The following RORA variants were observed in gnomAD, a reference collection of about 807,000 sequenced individuals.
RORA encodes the protein nuclear receptor ROR-alpha.
In RORA, 7 loss-of-function variants were observed where a neutral mutation model predicts 69.5. That is an observed-to-expected ratio of 0.10 (90% confidence interval 0.06 to 0.19). The LOEUF (loss-of-function observed/expected upper bound fraction) is 0.19. Among genes scored for constraint, RORA ranks in the 10% least tolerant of loss-of-function variants. The pLI is 1.00. For synonymous variants in RORA, 261 were observed against 240.8 expected, an observed-to-expected ratio of 1.08 and a Z score of -0.78; for missense variants, 457 against 663.0, an observed-to-expected ratio of 0.69 and a Z score of 3.41.
chr15:60,514,372 C>G (rs962102980), intron 4 of RORA, among the ~76,000 whole-genome samples: 5 of 152,128 alleles, frequency 3.3e-5, no homozygotes, highest in African/African-American at 1.2e-4. Context: ...GTTCTGAGCA[C>G]AAGACACTTC....
At chr15:61,011,348 T>C (rs1039208747) in intron 1 of RORA, among the ~76,000 whole-genome samples, 11 of 152,192 alleles carry the variant, frequency 7.2e-5, no homozygotes, top group Admixed American at 2.0e-4. Flanking sequence ...CTTAGAAGGA[T>C]AGAAATGTGG....
intron 1 of RORA, among the ~76,000 whole-genome samples, chr15:60,702,148 T>A (rs907858556): frequency 6.6e-6 from 1 of 152,176 alleles, no homozygotes; most frequent in Non-Finnish European, 1.5e-5. Context: ...TCACTTACCC[T>A]CTCAAAGCCT....
intron 1 of RORA, among the ~76,000 whole-genome samples, chr15:61,066,452 G>GTTTTTT (rs2078260986): frequency 8.6e-6 from 1 of 116,324 alleles, no homozygotes; most frequent in African/African-American, 3.2e-5. Context: ...TTGAGATGGA[G>GTTTTTT]TTTCACTCTT....
At chr15:61,217,392 T>C (rs1181933136) in intron 1 of RORA, among the ~76,000 whole-genome samples, 1 of 151,954 alleles carries the variant, frequency 6.6e-6, no homozygotes, top group Non-Finnish European at 1.5e-5. Context: ...AGGGAGAAGG[T>C]GGATCTTATC....
chr15:60,949,881 T>C (rs8035365), intron 1 of RORA, among the ~76,000 whole-genome samples: 39,871 of 152,142 alleles, frequency 0.26, 5,676 homozygotes, highest in Middle Eastern at 0.35. Context: ...TCTAAGACTA[T>C]TGAAACTTTC....
At chr15:60,693,356 A>G (rs2070856937) in intron 1 of RORA, among the ~76,000 whole-genome samples, 1 of 152,252 alleles carries the variant, frequency 6.6e-6, no homozygotes, top group East Asian at 1.9e-4. Context: ...CTGAATGGGC[A>G]AAAGCTGGAA....
chr15:60,862,273 G>A (rs2073441772), intron 1 of RORA, among the ~76,000 whole-genome samples: 1 of 152,234 alleles, frequency 6.6e-6, no homozygotes, highest in African/African-American at 2.4e-5. Flanking sequence ...TGCCTGCAAA[G>A]GTCAGGACAA....
At chr15:60,908,473 T>A (rs1196703775) in intron 1 of RORA, among the ~76,000 whole-genome samples, 1 of 152,120 alleles carries the variant, frequency 6.6e-6, no homozygotes, top group East Asian at 1.9e-4. Context: ...TAATACCAAA[T>A]TTTCAAATCT....
chr15:61,019,144 C>A (rs1211644356), intron 1 of RORA, among the ~76,000 whole-genome samples: 1 of 152,210 alleles, frequency 6.6e-6, no homozygotes, highest in Non-Finnish European at 1.5e-5. Flanking sequence ...AAGAATTGCA[C>A]TGGCTTCACA....
intron 3 of RORA, among the ~76,000 whole-genome samples, chr15:60,526,628 A>C (rs2066366584): frequency 6.6e-6 from 1 of 152,246 alleles, no homozygotes; most frequent in Non-Finnish European, 1.5e-5. Flanking sequence ...ACCGAAACTC[A>C]GGCATCGTAA....
chr15:60,588,498 T>C (rs1009789081), intron 2 of RORA, among the ~76,000 whole-genome samples: 1 of 151,748 alleles, frequency 6.6e-6, no homozygotes, highest in African/African-American at 2.4e-5. Flanking sequence ...TTTTCTCCAG[T>C]AAGTGGCCAT....
chr15:61,174,137 T>G (rs897404093), intron 1 of RORA, among the ~76,000 whole-genome samples: 1 of 152,220 alleles, frequency 6.6e-6, no homozygotes, highest in Non-Finnish European at 1.5e-5. Flanking sequence ...CTGCCAGGGC[T>G]CAAGCCCATT....
rs1190842361 is a variant in RORA at position 60,833,999 on chromosome 15, A to T, written c.167-155313T>A. Among the ~76,000 whole-genome samples, 4 of 152,394 alleles carry T rather than the reference A, an allele frequency of 2.6e-5. No homozygotes were observed. In the East Asian group the frequency reaches 7.7e-4, roughly 29 times the overall value. On this transcript the variant is annotated intron_variant, in intron 1 of 10. Coordinates refer to ENST00000335670, the MANE Select transcript of RORA (RefSeq NM_134261.3). ...ACCTTAGCCATGCTAATTGTTCTTC[A>T]GAAGCTATCCTTTCTCTAATGTCCC...
chr15:61,142,650 T>G (rs746579155), intron 1 of RORA, among the ~76,000 whole-genome samples: 2 of 152,170 alleles, frequency 1.3e-5, no homozygotes, highest in Non-Finnish European at 2.9e-5. Context: ...AATAATAGAA[T>G]AAGATACCAC....
At chr15:61,144,019 T>A (rs1453305311) in intron 1 of RORA, among the ~76,000 whole-genome samples, 1 of 152,212 alleles carries the variant, frequency 6.6e-6, no homozygotes, top group Non-Finnish European at 1.5e-5. Flanking sequence ...ACTAATATGT[T>A]AGATAAAAGG....
Position 61,042,429 on chromosome 15 carries a change from C to T in RORA, c.166+186624G>A, listed in dbSNP as rs1027818415. Among the ~76,000 whole-genome samples the T allele has an allele frequency of 2.6e-4, 39 of 152,206 alleles. 1 individual carries two copies. Among genetic ancestry groups the T allele is most frequent in the South Asian group, 1.9e-3 (9 of 4,818 alleles). ...AACACACAAACACACAATTAGATAT[C>T]GTTACTTTCAGACACATTCTGATAC... On this transcript the variant is annotated intron_variant, in intron 1 of 10. Transcript: ENST00000335670.
intron 1 of RORA, among the ~76,000 whole-genome samples, chr15:60,951,453 A>G (rs1424237110): frequency 6.6e-6 from 1 of 151,418 alleles, no homozygotes; most frequent in Non-Finnish European, 1.5e-5. Flanking sequence ...GCAGAACTGA[A>G]GGAAACAGAG....
At chr15:60,860,895 G>A (rs765617711) in intron 1 of RORA, among the ~76,000 whole-genome samples, 10 of 152,126 alleles carry the variant, frequency 6.6e-5, no homozygotes, top group Non-Finnish European at 1.3e-4. Flanking sequence ...CATCCACTGC[G>A]TCCCAGAAGT....
chr15:60,507,701 T>C (rs1443145160), intron 5 of RORA, among the ~76,000 whole-genome samples: 1 of 152,066 alleles, frequency 6.6e-6, no homozygotes, highest in African/African-American at 2.4e-5. Flanking sequence ...GAAAGAACTC[T>C]CACTATATAA....
Sources: gnomAD v4.1 joint callset for allele counts (sites outside exome capture counted in the v4.1 genomes callset) on GRCh38, gnomAD v4.1.1 for gene constraint, MANE v1.5 for transcripts, NCBI Gene and HGNC (gene_info 2026-07-23, HGNC 2026-07-21) for gene names.